CNTNAP2: variants seen among roughly 807,000 people sequenced by gnomAD.
The protein encoded by CNTNAP2 is contactin-associated protein-like 2.
In CNTNAP2, 98 loss-of-function variants were observed where a neutral mutation model predicts 155.2. That is an observed-to-expected ratio of 0.63 (90% CI 0.54 to 0.75). The LOEUF is 0.75. CNTNAP2 is among the 30% of genes least tolerant of loss of function. CNTNAP2 has a pLI of 0.00. For missense variants in CNTNAP2, 1,727 were observed against 1,688.1 expected (o/e 1.02, Z -0.40); for synonymous variants, 651 against 631.2 (o/e 1.03, Z -0.47).
At chr7:148,263,093 C>A (rs948237097) in intron 20 of CNTNAP2, 1 of 152,152 alleles carries the variant, frequency 6.6e-6, no homozygotes, top group Admixed American at 6.5e-5. Context: ...ACGCCTTGCT[C>A]GTGGTAAGAT....
At chr7:147,709,586 A>G (rs895747277) in intron 13 of CNTNAP2, among the ~76,000 whole-genome samples, 2 of 152,202 alleles carry the variant, frequency 1.3e-5, no homozygotes, top group African/African-American at 4.8e-5. Context: ...AGGACACCTC[A>G]TCTAACTTTC....
At chr7:147,129,555 G>A (rs1051414991) in intron 7 of CNTNAP2, among the ~76,000 whole-genome samples, 1 of 152,136 alleles carries the variant, frequency 6.6e-6, no homozygotes, top group Non-Finnish European at 1.5e-5. Context: ...GTTCCCTATG[G>A]CTCTGCAAGA....
intron 3 of CNTNAP2, among the ~76,000 whole-genome samples, chr7:147,011,862 G>A (rs1365917038): frequency 6.6e-6 from 1 of 152,170 alleles, no homozygotes; most frequent in Non-Finnish European, 1.5e-5. Flanking sequence ...TATTCAGGAG[G>A]AAGGAACACC....
intron 21 of CNTNAP2, among the ~76,000 whole-genome samples, chr7:148,290,249 T>A (rs1797166172): frequency 6.6e-6 from 1 of 152,172 alleles, no homozygotes; most frequent in Non-Finnish European, 1.5e-5. Context: ...TGAACTGAAG[T>A]GAAAATGTTT....
At chr7:147,769,619 A>G (rs1245750694) in intron 13 of CNTNAP2, among the ~76,000 whole-genome samples, 2 of 152,212 alleles carry the variant, frequency 1.3e-5, no homozygotes, top group East Asian at 3.8e-4. Flanking sequence ...CAAAGCATAC[A>G]GTAATTATAA....
intron 1 of CNTNAP2, among the ~76,000 whole-genome samples, chr7:146,308,777 TAA>T (rs1196649804): frequency 1.3e-5 from 2 of 151,618 alleles, no homozygotes; most frequent in East Asian, 3.9e-4. Flanking sequence ...AATTGAACAA[TAA>T]AAACACTTGG....
intron 2 of CNTNAP2, among the ~76,000 whole-genome samples, chr7:146,810,089 T>C (rs980064358): frequency 2.6e-5 from 4 of 152,156 alleles, no homozygotes; most frequent in Admixed American, 6.5e-5. Flanking sequence ...TTCAAACCCA[T>C]TTATTGTGGA....
chr7:147,917,368 C>G (rs1373275264), intron 14 of CNTNAP2, among the ~76,000 whole-genome samples: 2 of 152,156 alleles, frequency 1.3e-5, no homozygotes, highest in Non-Finnish European at 2.9e-5. Flanking sequence ...AGTGCTTAAA[C>G]AAGATGAAAG....
chr7:147,873,162 T>A (rs1361576056), intron 13 of CNTNAP2, among the ~76,000 whole-genome samples: 1 of 152,206 alleles, frequency 6.6e-6, no homozygotes, highest in African/African-American at 2.4e-5. Flanking sequence ...CTAAAATTAG[T>A]AACACTAACT....
chr7:146,380,624 T>C (rs556450466), intron 1 of CNTNAP2, among the ~76,000 whole-genome samples: 1 of 152,138 alleles, frequency 6.6e-6, no homozygotes, highest in South Asian at 2.1e-4. Context: ...ATTTTTTCAG[T>C]TATTTGTTTT....
intron 1 of CNTNAP2, among the ~76,000 whole-genome samples, chr7:146,639,114 C>T (rs985417913): frequency 1.3e-5 from 2 of 152,190 alleles, no homozygotes; most frequent in African/African-American, 4.8e-5. Context: ...CATTAGGCAG[C>T]GTAGGCTGTA....
At chr7:147,930,048 G>A (rs1800469532) in intron 14 of CNTNAP2, among the ~76,000 whole-genome samples, 1 of 152,046 alleles carries the variant, frequency 6.6e-6, no homozygotes, top group Non-Finnish European at 1.5e-5. Flanking sequence ...GCATGGCCTG[G>A]TTCCTAACAG....
intron 14 of CNTNAP2, among the ~76,000 whole-genome samples, chr7:147,958,285 C>T: frequency 6.6e-6 from 1 of 151,998 alleles, no homozygotes; most frequent in East Asian, 1.9e-4. Flanking sequence ...TACGTGAATA[C>T]TAGAGAAAAA....
intron 8 of CNTNAP2, among the ~76,000 whole-genome samples, chr7:147,248,267 G>A (rs1048092572): frequency 1.3e-5 from 2 of 152,074 alleles, no homozygotes; most frequent in Admixed American, 1.3e-4. Flanking sequence ...TGTCAACAGA[G>A]GTTTAAAGTT....
chr7:146,170,708 A>G (rs1312373575), intron 1 of CNTNAP2, among the ~76,000 whole-genome samples: 2 of 152,180 alleles, frequency 1.3e-5, no homozygotes, highest in African/African-American at 4.8e-5. Flanking sequence ...CTAACTGACA[A>G]GAGAGAATTT....
At chr7:146,567,395 G>A (rs1798373623) in intron 1 of CNTNAP2, among the ~76,000 whole-genome samples, 1 of 151,978 alleles carries the variant, frequency 6.6e-6, no homozygotes, top group Admixed American at 6.6e-5. Context: ...AATAAATGTA[G>A]TCAGATTTGA....
chr7:147,346,801 C>T (rs1475929125), intron 9 of CNTNAP2, among the ~76,000 whole-genome samples: 1 of 152,102 alleles, frequency 6.6e-6, no homozygotes, highest in African/African-American at 2.4e-5. Context: ...TCAAACTTTG[C>T]GTAGTCTTTT....
chr7:146,873,649 A>C (rs1795361852), intron 3 of CNTNAP2, among the ~76,000 whole-genome samples: 1 of 152,038 alleles, frequency 6.6e-6, no homozygotes, highest in Non-Finnish European at 1.5e-5. Context: ...GAGAAGAATA[A>C]TAAGCATGGA....
intron 14 of CNTNAP2, among the ~76,000 whole-genome samples, chr7:147,968,515 C>T (rs868441495): frequency 1.1e-4 from 17 of 152,156 alleles, no homozygotes; most frequent in Non-Finnish European, 4.4e-5. Flanking sequence ...GGCACCCACC[C>T]AAGGCCCATC....
Sources: allele counts gnomAD v4.1 joint callset (sites outside exome capture counted in the v4.1 genomes callset), GRCh38; gene constraint gnomAD v4.1.1; transcripts MANE v1.5; gene names NCBI Gene and HGNC (gene_info 2026-07-23, HGNC 2026-07-21).